Variants in SKOR2 observed in about 807,000 individuals in gnomAD.
SKOR2 encodes SKI family transcriptional corepressor 2.
In SKOR2, 47 loss-of-function variants were observed where a neutral mutation model predicts 69.1. That is an observed-to-expected ratio of 0.68 (90% CI 0.54 to 0.87). The LOEUF is 0.87. Ranked by LOEUF, SKOR2 falls within the 40% of genes least tolerant of loss-of-function variation. SKOR2 has a pLI of 0.00. For synonymous variants in SKOR2, 717 were observed against 672.6 expected (o/e 1.07, Z -1.02); for missense variants, 1,404 against 1,472.2 (o/e 0.95, Z 0.76).
intron 1 of SKOR2, among the ~76,000 whole-genome samples, chr18:47,250,949 TC>T (rs2064309783): frequency 6.6e-6 from 1 of 151,982 alleles, no homozygotes. Flanking sequence ...CAACTCTCGC[TC>T]CCCAGCAAGG....
chr18:47,245,490 T>TTTTTTTTTTTTTTTTTTTTTTTTTC lies in SKOR2; in HGVS notation c.2677+7_2677+8insGAAAAAAAAAAAAAAAAAAAAAAAA. 1 of 1,469,482 alleles carries TTTTTTTTTTTTTTTTTTTTTTTTTC rather than the reference T, an allele frequency of 6.8e-7. No individual in the cohort carries two copies. Among genetic ancestry groups the TTTTTTTTTTTTTTTTTTTTTTTTTC allele is most frequent in the South Asian group, 1.3e-5 (1 of 75,348 alleles). 91.0% of individuals were successfully genotyped at this position (1,469,482 alleles called of 1,614,324 possible). On this transcript the variant is annotated splice_region_variant and intron_variant, in intron 3 of 8. Coordinates refer to ENST00000425639, the MANE Select transcript of SKOR2 (RefSeq NM_001278063.4). ...AAAGTGGCAGCTGATTTTTTTTTTT[T>TTTTTTTTTTTTTTTTTTTTTTTTTC]TTTTTACCTGAAAAGCTGTTGTCAT...
In SKOR2 at chr18:47,222,183, A is replaced by T. The variant is rs191755241; in HGVS notation, c.2918-2173T>A. Among the ~76,000 whole-genome samples the T allele has an allele frequency of 2.2e-3, 333 of 152,216 alleles. 4 individuals carry two copies. Among genetic ancestry groups the T allele is most frequent in the Admixed American group, 5.6e-3 (86 of 15,280 alleles). ...TAAAAATACAAAAAATTATCTGAGC[A>T]TGGAGGTGCACAACTGTAGTCCCAG... On this transcript the variant is annotated intron_variant, in intron 6 of 8. Coordinates refer to ENST00000425639, the MANE Select transcript of SKOR2 (RefSeq NM_001278063.4).
Position 47,248,088 on chromosome 18 carries a change from C to T in SKOR2, c.1096G>A (p.Ala366Thr). Residue 366 changes from alanine to threonine, a missense_variant, in exon 2 of 9, where the codon GCG (alanine) becomes ACG (threonine). This residue lies in a region of SKOR2 where 1,266 missense variants were observed against 1,309.9 expected (regional missense o/e 0.97). Transcript: ENST00000425639. This position sits in a 1 kb window ranked among gnomAD's most constrained non-coding sequence, Gnocchi z 6.4. ...CVAGVGVGAGAGAGAGAGAKG... is the reference protein window; with the variant it reads ...CVAGVGVGAGTGAGAGAGAKG... ...GCCCCTGCCCCGGCACCCGCCCCCG[C>T]GCCCGCGCCCACGCCCACGCCGGCC... The T allele has an allele frequency of 7.3e-7, 1 of 1,379,124 alleles. No individual in the cohort carries two copies. The allele number at this position is 1,379,124 out of a possible 1,614,324, so 85.4% of individuals were successfully genotyped here.
At chr18:47,220,179 T>C (rs2064156945) in intron 6 of SKOR2, among the ~76,000 whole-genome samples, 169 bp from the exon 7 acceptor site, 1 of 152,206 alleles carries the variant, frequency 6.6e-6, no homozygotes, top group South Asian at 2.1e-4. Context: ...CACTCTATAA[T>C]TTAATCAGAC....
chr18:47,223,749 T>C (rs569987012), intron 6 of SKOR2, among the ~76,000 whole-genome samples: 61 of 152,338 alleles, frequency 4.0e-4, no homozygotes, highest in African/African-American at 1.4e-3. Context: ...TAACATTGGT[T>C]ATCTCTAGGT....
chr18:47,206,220 G>GA lies in SKOR2; in HGVS notation c.*675dup, dbSNP rs2144468218. The GA allele has an allele frequency of 6.6e-6, 1 of 152,102 alleles. No homozygotes were observed. Among genetic ancestry groups the GA allele is most frequent in the African/African-American group, 2.4e-5 (1 of 41,494 alleles). 9.4% of individuals were successfully genotyped at this position (152,102 alleles called of 1,614,324 possible). ...CTTTTTTATCCACATGAATGTTAAA[G>GA]AAACTACAACAGAGTTAAATGCCAT... On this transcript the variant is annotated 3_prime_UTR_variant, in exon 9 of 9. Coordinates refer to ENST00000425639, the MANE Select transcript of SKOR2 (RefSeq NM_001278063.4).
At chr18:47,242,123 A>C (rs2064251716) in intron 4 of SKOR2, among the ~76,000 whole-genome samples, 1 of 152,120 alleles carries the variant, frequency 6.6e-6, no homozygotes, top group African/African-American at 2.4e-5. Flanking sequence ...ATCATTCTTA[A>C]GGTTCTGATG....
Position 47,206,850 on chromosome 18 carries a change from G to A in SKOR2, c.*46C>T, listed in dbSNP as rs1282336836. 6.6e-6 allele frequency: 1 copy of A among 152,140 alleles called. No individual in the cohort carries two copies. The highest frequency in any genetic ancestry group is 2.4e-5 in the African/African-American group (1 of 41,430). 9.4% of individuals were successfully genotyped at this position (152,140 alleles called of 1,614,324 possible). A position where few individuals can be genotyped will look rare whatever the true frequency, so the allele number is the denominator to read the frequency against. ...CACGGGTCAGAAGTGCTCCATGGCAGGCTGTATCTTACAAGAGAACAAGAG... is the reference window on the plus strand; with the variant it reads ...CACGGGTCAGAAGTGCTCCATGGCAAGCTGTATCTTACAAGAGAACAAGAG... On this transcript the variant is annotated 3_prime_UTR_variant, in exon 9 of 9. Coordinates refer to ENST00000425639, the MANE Select transcript of SKOR2 (RefSeq NM_001278063.4).
chr18:47,229,382 A>C (rs1251782916), intron 6 of SKOR2, among the ~76,000 whole-genome samples: 1 of 152,144 alleles, frequency 6.6e-6, no homozygotes, highest in African/African-American at 2.4e-5. Context: ...GGCCAGGCAC[A>C]GTGGCTCATG....
chr18:47,248,453 A>G lies in SKOR2; in HGVS notation c.731T>C (p.Leu244Pro), dbSNP rs1471370696. The part of the protein sequence containing the change: ...MFNGGSRKRA[L>P]PQPGAHPACH... ...GGCGGGGTGCGCGCCCGGCTGGGGC[A>G]GTGCGCGCTTGCGGCTGCCGCCGTT... The change falls in exon 2 of 9, where the codon CTG becomes CCG. Residue 244 changes from leucine (L) to proline (P), a missense_variant. By Grantham distance (98) the Leu-to-Pro change is moderately conservative. This residue lies in a region of SKOR2 where 1,266 missense variants were observed against 1,309.9 expected (regional missense o/e 0.97). Coordinates refer to ENST00000425639, the MANE Select transcript of SKOR2 (RefSeq NM_001278063.4). The surrounding 1 kb of genome is among the most constrained non-coding windows in gnomAD (Gnocchi z 6.4). 5.2e-6 allele frequency: 7 copies of G among 1,358,982 alleles called. No homozygotes were observed. In the Admixed American group the frequency reaches 6.6e-5, roughly 13 times the overall value. 84.2% of individuals were successfully genotyped at this position (1,358,982 alleles called of 1,614,324 possible).
At chr18:47,211,269 C>T (rs1484667758) in intron 8 of SKOR2, among the ~76,000 whole-genome samples, 5 of 152,152 alleles carry the variant, frequency 3.3e-5, no homozygotes, top group African/African-American at 1.2e-4. Flanking sequence ...GCGGTCCTAG[C>T]TGGCCATGAG....
intron 1 of SKOR2, among the ~76,000 whole-genome samples, chr18:47,249,997 A>G (rs1465755236): frequency 6.6e-6 from 1 of 152,236 alleles, no homozygotes; most frequent in African/African-American, 2.4e-5. Flanking sequence ...TGAAGATGGT[A>G]GTCATTTAAA....
intron 6 of SKOR2, among the ~76,000 whole-genome samples, chr18:47,221,999 C>G (rs2064163079): frequency 6.6e-6 from 1 of 152,256 alleles, no homozygotes; most frequent in South Asian, 2.1e-4. Flanking sequence ...TGTGCTCTTT[C>G]AGGTGTTTTC....
chr18:47,235,794 A>C (rs1445110694), intron 4 of SKOR2, among the ~76,000 whole-genome samples: 2 of 140,086 alleles, frequency 1.4e-5, no homozygotes, highest in Non-Finnish European at 3.2e-5. Context: ...AAAAAAAAAA[A>C]AAAAAAACAG....
In SKOR2 at chr18:47,247,650, C is replaced by T. The variant is rs1600050939; in HGVS notation, c.1534G>A (p.Asp512Asn). The T allele has an allele frequency of 7.3e-7, 1 of 1,362,780 alleles. No individual in the cohort carries two copies. The highest frequency in any genetic ancestry group is 1.8e-5 in the South Asian group (1 of 57,082). 84.4% of individuals were successfully genotyped at this position (1,362,780 alleles called of 1,614,324 possible). The change falls in exon 2 of 9, where the codon GAC becomes AAC. Residue 512 changes from aspartate to asparagine, a missense_variant. Coordinates refer to ENST00000425639, the MANE Select transcript of SKOR2 (RefSeq NM_001278063.4). The surrounding 1 kb of genome is among the most constrained non-coding windows in gnomAD (Gnocchi z 6.6). ...SPALLRQAFLDLAEPGGAAGS... is the reference protein window; with the variant it reads ...SPALLRQAFLNLAEPGGAAGS... The stretch of plus-strand genomic sequence containing the variant: ...GCAGCACCGCCTGGCTCAGCCAGGT[C>T]CAGGAAGGCCTGGCGCAGCAGGGCC...
In SKOR2 at chr18:47,249,197, C is replaced by T. The variant is rs2064302139; in HGVS notation, c.-14G>A. 4.6e-6 allele frequency: 7 copies of T among 1,531,338 alleles called. No individual in the cohort carries two copies. Among genetic ancestry groups the T allele is most frequent in the Non-Finnish European group, 5.2e-6 (6 of 1,144,480 alleles). The allele number at this position is 1,531,338 out of a possible 1,614,324, so 94.9% of individuals were successfully genotyped here. Reference sequence around the variant, plus strand: ...ACTGGAAGCCATCTCCGCCGCAGAACCCCGGGCCGAGCCCTACAGGTCTGC... The same window carrying T: ...ACTGGAAGCCATCTCCGCCGCAGAATCCCGGGCCGAGCCCTACAGGTCTGC... On this transcript the variant is annotated 5_prime_UTR_variant, in exon 2 of 9. Coordinates refer to ENST00000425639, the MANE Select transcript of SKOR2 (RefSeq NM_001278063.4).
chr18:47,235,352 C>A (rs1469737367), intron 4 of SKOR2, among the ~76,000 whole-genome samples: 3 of 151,954 alleles, frequency 2.0e-5, no homozygotes, highest in Non-Finnish European at 2.9e-5. Flanking sequence ...AGAGTGAGAC[C>A]CTGACTTAAA....
chr18:47,231,291 G>A, intron 4 of SKOR2: 1 of 958,444 alleles, frequency 1.0e-6, no homozygotes, highest in Non-Finnish European at 1.5e-6. Flanking sequence ...ATCTTTACAA[G>A]GAAGGAAATT....
intron 4 of SKOR2, among the ~76,000 whole-genome samples, chr18:47,242,342 G>A (rs1158202299): frequency 6.6e-6 from 1 of 152,090 alleles, no homozygotes; most frequent in African/African-American, 2.4e-5. Context: ...TTTATTAATA[G>A]ATTGCTTGTG....
Sources: gnomAD v4.1 joint callset for allele counts (sites outside exome capture counted in the v4.1 genomes callset) on GRCh38, gnomAD v4.1.1 for gene constraint, gnomAD v4.1.1 regional missense constraint, Gnocchi (gnomAD v3.1) non-coding constraint, MANE v1.5 for transcripts, NCBI Gene and HGNC (gene_info 2026-07-23, HGNC 2026-07-21) for gene names.